The following PTPRD variants were observed in gnomAD, a reference collection of about 807,000 sequenced individuals.
PTPRD encodes receptor-type tyrosine-protein phosphatase delta.
A neutral mutation model predicts 214.5 loss-of-function variants in PTPRD; 34 were observed. That is an observed-to-expected ratio of 0.16 (90% CI 0.12 to 0.21). The LOEUF is 0.21. Ranked by LOEUF, PTPRD falls within the 10% of genes least tolerant of loss-of-function variation. The probability of loss-of-function intolerance (pLI) is 1.00; values close to 1 mark genes in which losing one functional copy is unlikely to be tolerated. For missense variants in PTPRD, 2,545 were observed against 2,398.7 expected (o/e 1.06, Z -1.27); for synonymous variants, 1,128 against 845.7 (o/e 1.33, Z -5.79).
At chr9:9,524,850 CTTGT>C (rs35010562) in intron 8 of PTPRD, among the ~76,000 whole-genome samples, 10,242 of 151,866 alleles carry the variant, frequency 0.067, 471 homozygotes, top group African/African-American at 0.14. Flanking sequence ...TGTTTGCTTG[CTTGT>C]TTGTTTGTTT....
chr9:9,948,069 G>A (rs754795628), intron 4 of PTPRD, among the ~76,000 whole-genome samples: 7 of 151,950 alleles, frequency 4.6e-5, no homozygotes, highest in Non-Finnish European at 8.8e-5. Context: ...GGAAAAAGGA[G>A]AAAGCTCAGA....
At chr9:9,969,089 G>A (rs961430626) in intron 4 of PTPRD, among the ~76,000 whole-genome samples, 4 of 152,230 alleles carry the variant, frequency 2.6e-5, no homozygotes, top group African/African-American at 2.4e-5. Context: ...TTGGTCCTAC[G>A]AAAGCATGTG....
chr9:9,218,116 C>T (rs921820026), intron 9 of PTPRD, among the ~76,000 whole-genome samples: 1 of 152,080 alleles, frequency 6.6e-6, no homozygotes, highest in African/African-American at 2.4e-5. Flanking sequence ...ATTAATGTTG[C>T]ATTGGACTGA....
chr9:10,354,857 G>A (rs1377288233), intron 2 of PTPRD, among the ~76,000 whole-genome samples: 2 of 152,106 alleles, frequency 1.3e-5, no homozygotes, highest in Non-Finnish European at 2.9e-5. Context: ...CGTGCTTTGT[G>A]TGTCTAGTAC....
At chr9:10,384,124 G>A (rs1379482824) in intron 2 of PTPRD, among the ~76,000 whole-genome samples, 2 of 150,990 alleles carry the variant, frequency 1.3e-5, no homozygotes, top group South Asian at 2.1e-4. Context: ...GCACAGCAGG[G>A]TGACTATAGT....
rs1238366047 is a variant in PTPRD at position 8,338,063 on chromosome 9, G to A, written c.5379+859C>T. ...GTCAACAGCCAGGGCCAGGCTTTGG[G>A]GATTAGCAGACAATCTCCAAACCTA... On this transcript the variant is annotated intron_variant, in intron 43 of 45. Transcript: ENST00000381196. Among the ~76,000 whole-genome samples, 3 of 151,894 alleles carry A rather than the reference G, an allele frequency of 2.0e-5. No individual in the cohort carries two copies. In the East Asian group the frequency reaches 5.8e-4, roughly 29 times the overall value.
chr9:8,449,338 T>A (rs913405495), intron 34 of PTPRD, among the ~76,000 whole-genome samples: 1 of 146,136 alleles, frequency 6.8e-6, no homozygotes, highest in African/African-American at 2.5e-5. Context: ...TGCTTTCCCA[T>A]GGGATGAAAG....
intron 6 of PTPRD, among the ~76,000 whole-genome samples, chr9:9,762,474 T>C (rs1416472625): frequency 1.3e-5 from 2 of 152,218 alleles, no homozygotes; most frequent in Non-Finnish European, 2.9e-5. Context: ...TGTTCTTCAA[T>C]TCCTCTCTCT....
intron 4 of PTPRD, among the ~76,000 whole-genome samples, chr9:9,946,252 A>T (rs939890237): frequency 2.6e-5 from 4 of 152,142 alleles, no homozygotes; most frequent in African/African-American, 9.6e-5. Context: ...TTGGCAAAAT[A>T]CCTAGAAAAT....
intron 3 of PTPRD, among the ~76,000 whole-genome samples, chr9:10,238,290 A>G (rs2099635730): frequency 6.6e-6 from 1 of 151,868 alleles, no homozygotes; most frequent in Non-Finnish European, 1.5e-5. Context: ...CCAATCTAAT[A>G]GCTACTGAGA....
At chr9:9,837,586 G>C (rs1181806904) in intron 5 of PTPRD, among the ~76,000 whole-genome samples, 1 of 151,980 alleles carries the variant, frequency 6.6e-6, no homozygotes, top group Non-Finnish European at 1.5e-5. Flanking sequence ...CTTTTGATGG[G>C]GTAAAGCAAA....
At chr9:8,512,982 G>A (rs2097711808) in intron 21 of PTPRD, among the ~76,000 whole-genome samples, 1 of 151,244 alleles carries the variant, frequency 6.6e-6, no homozygotes, top group Non-Finnish European at 1.5e-5. Context: ...AACTATAGGA[G>A]GTCCTTTTTT....
At chr9:10,249,553 T>C (rs1335503647) in intron 3 of PTPRD, among the ~76,000 whole-genome samples, 1 of 152,190 alleles carries the variant, frequency 6.6e-6, no homozygotes, top group African/African-American at 2.4e-5. Flanking sequence ...ACTGGCCAAC[T>C]ATAAGTTAGG....
intron 9 of PTPRD, among the ~76,000 whole-genome samples, chr9:9,372,535 A>G (rs1180544020): frequency 6.6e-6 from 1 of 152,060 alleles, no homozygotes; most frequent in African/African-American, 2.4e-5. Flanking sequence ...TTTCCTGAAT[A>G]CAGCACACTG....
chr9:9,376,209 AT>A, intron 9 of PTPRD, among the ~76,000 whole-genome samples: 1 of 152,130 alleles, frequency 6.6e-6, no homozygotes, highest in East Asian at 1.9e-4. Flanking sequence ...ATTCAAAATC[AT>A]TTTTCTACTA....
At chr9:8,473,581 T>C (rs2096703162) in intron 30 of PTPRD, among the ~76,000 whole-genome samples, 1 of 152,168 alleles carries the variant, frequency 6.6e-6, no homozygotes, top group Non-Finnish European at 1.5e-5. Flanking sequence ...ATTATCAGAG[T>C]GCTACCATTG....
At chr9:9,336,907 T>G (rs1569567486) in intron 9 of PTPRD, among the ~76,000 whole-genome samples, 1 of 152,316 alleles carries the variant, frequency 6.6e-6, no homozygotes, top group East Asian at 1.9e-4. Flanking sequence ...GCTATTATTA[T>G]GCTGTTCATT....
At chr9:9,678,750 A>T (rs1256160342) in intron 7 of PTPRD, among the ~76,000 whole-genome samples, 1 of 151,856 alleles carries the variant, frequency 6.6e-6, no homozygotes, top group African/African-American at 2.4e-5. Context: ...GTCAGTCTAA[A>T]CTTTAAGACA....
chr9:8,550,215 T>C (rs1195797232), intron 14 of PTPRD, among the ~76,000 whole-genome samples: 1 of 152,204 alleles, frequency 6.6e-6, no homozygotes, highest in Non-Finnish European at 1.5e-5. Flanking sequence ...TAAATAGGCC[T>C]ACATTCCAAT....
Sources: allele counts gnomAD v4.1 joint callset (sites outside exome capture counted in the v4.1 genomes callset), GRCh38; gene constraint gnomAD v4.1.1; transcripts MANE v1.5; gene names NCBI Gene and HGNC (gene_info 2026-07-23, HGNC 2026-07-21).